The following PDE2A variants were observed in gnomAD, a reference collection of about 807,000 sequenced individuals.
PDE2A encodes cGMP-dependent 3',5'-cyclic phosphodiesterase.
Under a neutral mutation model 133.6 loss-of-function variants are expected in PDE2A, and 53 were observed. The ratio of observed to expected loss-of-function variants is 0.40; its 90% confidence interval spans 0.32 to 0.50. PDE2A has a LOEUF of 0.50. PDE2A is among the 20% of genes least tolerant of loss of function. The pLI is 0.73. For synonymous variants in PDE2A, 491 were observed against 490.2 expected (o/e 1.00, Z -0.02); for missense variants, 796 against 1,232.4 (o/e 0.65, Z 5.30).
At chr11:72,630,501 G>C (rs1858319901) in intron 2 of PDE2A, among the ~76,000 whole-genome samples, 2 of 151,194 alleles carry the variant, frequency 1.3e-5, no homozygotes, top group Non-Finnish European at 1.5e-5. Flanking sequence ...GAGTGGGGAA[G>C]AGGCCAGCAG....
chr11:72,598,452 C>A (rs1448124674), intron 4 of PDE2A: 1 of 1,231,748 alleles, frequency 8.1e-7, no homozygotes, highest in Non-Finnish European at 1.1e-6. Context: ...TCTGTCCCAC[C>A]ACACAACCCA....
chr11:72,595,096 G>T (rs906560288), intron 6 of PDE2A, among the ~76,000 whole-genome samples: 6 of 152,116 alleles, frequency 3.9e-5, no homozygotes, highest in African/African-American at 7.2e-5. Context: ...CTGAGCCAAG[G>T]TGAGCAGCGG....
intron 2 of PDE2A, among the ~76,000 whole-genome samples, chr11:72,621,511 G>C (rs1371008392): frequency 6.6e-6 from 1 of 152,214 alleles, no homozygotes; most frequent in Admixed American, 6.5e-5. Context: ...GGTCCCACCT[G>C]CTCGGTGACA....
At chr11:72,638,954 C>T (rs1428374496) in intron 2 of PDE2A, among the ~76,000 whole-genome samples, 1 of 152,184 alleles carries the variant, frequency 6.6e-6, no homozygotes, top group Non-Finnish European at 1.5e-5. Flanking sequence ...CTCTGCCCAC[C>T]CCAACACCCC....
chr11:72,582,709 G>A, intron 20 of PDE2A, 143 bp from the exon 21 acceptor site: 3 of 774,344 alleles, frequency 3.9e-6, no homozygotes, highest in Non-Finnish European at 6.0e-6. Flanking sequence ...TAACTGGGCA[G>A]GAAATCACCA....
Position 72,591,319 on chromosome 11 carries a change from C to A in PDE2A, c.527G>T (p.Ser176Ile), listed in dbSNP as rs758942499. The A allele has an allele frequency of 3.1e-6, 5 of 1,613,986 alleles. No homozygotes were observed. Among genetic ancestry groups the A allele is most frequent in the Non-Finnish European group, 4.2e-6 (5 of 1,179,848 alleles). Residue 176 changes from serine (S) to isoleucine (I), a missense_variant, in exon 7 of 31, where the codon AGC (serine) becomes ATC (isoleucine). Ser to Ile is a moderately radical substitution (Grantham distance 142). Around this residue, in one of 7 missense-constraint regions of PDE2A, gnomAD observed 417 missense variants for 475.3 expected, o/e 0.88. Coordinates refer to ENST00000334456, the MANE Select transcript of PDE2A (RefSeq NM_002599.5). The stretch of plus-strand genomic sequence containing the variant: ...CACATGCTTCTCCACCGCCTGCAGG[C>A]TCCATTCCTCATTATCACTCAGCTG... The part of the protein sequence containing the change: ...CGQLSDNEEW[S>I]LQAVEKHTLV...
In PDE2A at chr11:72,598,337, G is replaced by T. The variant is rs560464938; in HGVS notation, c.324-718C>A. On this transcript the variant is annotated intron_variant, in intron 4 of 30. Transcript: ENST00000334456. ...AACCTTCCCAAATACCTGTGGAGGT[G>T]TGAGCTTTGAACAGGGGGCAGGTGT... 7.6e-4 allele frequency among the ~76,000 whole-genome samples: 115 copies of T among 152,274 alleles called. 2 individuals are homozygous for T. In the South Asian group the frequency reaches 0.023, roughly 31 times the overall value.
Position 72,590,198 on chromosome 11 carries a change from G to A in PDE2A, c.750C>T (p.Leu250=). 2 of 1,551,040 alleles carry A rather than the reference G, an allele frequency of 1.3e-6. No individual in the cohort carries two copies. Among genetic ancestry groups the A allele is most frequent in the South Asian group, 1.2e-5 (1 of 84,032 alleles). ...LDASSLQLKV[L]QYLQQETRAS... is the part of the protein sequence containing the mutation. ...CAGGGGCGCAGGGACTCACGTATTG[G>A]AGCACTTTGAGCTGCAGGGAAGAGG... is the stretch of plus-strand genomic sequence containing the variant. The change falls in exon 9 of 31, where the codon CTC becomes CTT. Residue 250 remains leucine, a synonymous_variant. Coordinates refer to ENST00000334456, the MANE Select transcript of PDE2A (RefSeq NM_002599.5). The surrounding 1 kb of genome is among the most constrained non-coding windows in gnomAD (Gnocchi z 4.8).
rs538124263 is a variant in PDE2A at position 72,616,219 on chromosome 11, A to G, written c.145-7468T>C. Among the ~76,000 whole-genome samples, 5 of 152,326 alleles carry G rather than the reference A, an allele frequency of 3.3e-5. No homozygotes were observed. The East Asian group carries it at 9.7e-4, about 29-fold the overall frequency. ...GGGTGGATGGATGAATGACGAATGAATGAATGGAGTGATCTCCCTTCTCTG... is the reference window on the plus strand; with the variant it reads ...GGGTGGATGGATGAATGACGAATGAGTGAATGGAGTGATCTCCCTTCTCTG... On this transcript the variant is annotated intron_variant, in intron 2 of 30. Coordinates refer to ENST00000334456, the MANE Select transcript of PDE2A (RefSeq NM_002599.5).
rs76914878 is a variant in PDE2A, at chr11:72,625,575, G to A, written c.144+16679C>T. Among the ~76,000 whole-genome samples, 145 of 152,306 alleles carry A rather than the reference G, an allele frequency of 9.5e-4. No homozygotes were observed. In the East Asian group the frequency reaches 0.021, roughly 22 times the overall value. On this transcript the variant is annotated intron_variant, in intron 2 of 30. Transcript: ENST00000334456. ...GGAGGAGGAAAAGGCAGCCTGAGGA[G>A]GGGACACCAGGCTGGAGGCCGGAAC...
chr11:72,644,849 C>T (rs550769200), intron 1 of PDE2A, among the ~76,000 whole-genome samples: 10 of 152,326 alleles, frequency 6.6e-5, no homozygotes, highest in South Asian at 6.2e-4. Context: ...CTCCGCCTCC[C>T]GGGTTCAAGC....
At chr11:72,585,792 G>T (rs1855942761) in intron 14 of PDE2A, among the ~76,000 whole-genome samples, 199 bp from the exon 15 acceptor site, 1 of 152,230 alleles carries the variant, frequency 6.6e-6, no homozygotes, top group East Asian at 1.9e-4. Context: ...CAGGTGAGGA[G>T]TCTCCTGAGT....
At chr11:72,591,173 C>G (rs1856231623) in intron 7 of PDE2A, 124 bp downstream of exon 7, 7 of 759,942 alleles carry the variant, frequency 9.2e-6, no homozygotes, top group South Asian at 7.7e-5. Flanking sequence ...CAAGGTCACA[C>G]AGCTCAAAAG....
intron 1 of PDE2A, among the ~76,000 whole-genome samples, chr11:72,671,010 A>G (rs1031322809): frequency 6.6e-6 from 1 of 152,152 alleles, no homozygotes; most frequent in African/African-American, 2.4e-5. Context: ...GCACTGAGTC[A>G]GGTGCCTAGC....
At chr11:72,647,371 G>A (rs533747143) in intron 1 of PDE2A, among the ~76,000 whole-genome samples, 3 of 152,336 alleles carry the variant, frequency 2.0e-5, no homozygotes, top group Non-Finnish European at 2.9e-5. Flanking sequence ...CTCAGCAGCC[G>A]TGAAGCTTGG....
chr11:72,579,507 T>TGCCCCCCC, intron 26 of PDE2A, 27 bp downstream of exon 26: 30 of 1,354,044 alleles, frequency 2.2e-5, no homozygotes, highest in Non-Finnish European at 2.7e-5. Context: ...TCCCCCTCAA[T>TGCCCCCCC]CCCCACCCCA....
intron 27 of PDE2A, 75 bp downstream of exon 27, chr11:72,579,208 TG>T: frequency 8.4e-7 from 1 of 1,193,436 alleles, no homozygotes. Flanking sequence ...GTCTGCACCC[TG>T]GGAATGCTCC....
intron 2 of PDE2A, among the ~76,000 whole-genome samples, chr11:72,632,117 G>A (rs2135418496): frequency 6.6e-6 from 1 of 152,258 alleles, no homozygotes; most frequent in South Asian, 2.1e-4. Flanking sequence ...CTGTGAGCTG[G>A]GGGGAGGGCA....
At chr11:72,644,964 C>T (rs1225471010) in intron 1 of PDE2A, among the ~76,000 whole-genome samples, 2 of 152,144 alleles carry the variant, frequency 1.3e-5, no homozygotes, top group African/African-American at 4.8e-5. Flanking sequence ...GCCATGTTGG[C>T]CAGGATGGTC....
Sources: gnomAD v4.1 joint callset for allele counts (sites outside exome capture counted in the v4.1 genomes callset) on GRCh38, gnomAD v4.1.1 for gene constraint, gnomAD v4.1.1 regional missense constraint, Gnocchi (gnomAD v3.1) non-coding constraint, MANE v1.5 for transcripts, NCBI Gene and HGNC (gene_info 2026-07-23, HGNC 2026-07-21) for gene names.